Variants in IFT80 observed in about 807,000 individuals in gnomAD.
IFT80 encodes intraflagellar transport 80.
A neutral mutation model predicts 107.9 loss-of-function variants in IFT80; 79 were observed. The observed-to-expected ratio is 0.73, with a 90% CI of 0.61 to 0.88. The LOEUF (loss-of-function observed/expected upper bound fraction) is 0.88. Among genes scored for constraint, IFT80 ranks in the 40% least tolerant of loss-of-function variants. IFT80 has a pLI of 0.00. For missense variants in IFT80, 797 were observed against 914.2 expected (o/e 0.87, Z 1.65); for synonymous variants, 299 against 300.9 (o/e 0.99, Z 0.07).
chr3:160,271,053 A>C (rs1454727349), intron 18 of IFT80, among the ~76,000 whole-genome samples: 1 of 152,220 alleles, frequency 6.6e-6, no homozygotes, highest in African/African-American at 2.4e-5. Flanking sequence ...CTAGATCCTA[A>C]GAATTATCTA....
At chr3:160,368,746 A>G (rs1264449004) in intron 5 of IFT80, among the ~76,000 whole-genome samples, 2 of 151,882 alleles carry the variant, frequency 1.3e-5, no homozygotes, top group African/African-American at 4.8e-5. Context: ...TATATAAGCC[A>G]TCTTTATTTC....
At chr3:160,282,662 A>G (rs746717903) in intron 13 of IFT80, 49 bp from the exon 14 acceptor site, 1 of 1,091,740 alleles carries the variant, frequency 9.2e-7, no homozygotes, top group Non-Finnish European at 1.4e-6. Context: ...AGTGTTTGAC[A>G]TAAGATCATT....
intron 18 of IFT80, among the ~76,000 whole-genome samples, chr3:160,270,664 G>A (rs1713727296): frequency 6.6e-6 from 1 of 152,132 alleles, no homozygotes; most frequent in Admixed American, 6.5e-5. Flanking sequence ...AAGGCAAAAA[G>A]CAATTCACGG....
intron 12 of IFT80, among the ~76,000 whole-genome samples, chr3:160,297,540 G>C (rs1034169725): frequency 1.3e-5 from 2 of 151,894 alleles, no homozygotes; most frequent in African/African-American, 4.8e-5. Flanking sequence ...TAAATCATAG[G>C]ATTTTAAGTT....
intron 1 of IFT80, among the ~76,000 whole-genome samples, chr3:160,390,330 T>A (rs1219164235): frequency 1.3e-5 from 2 of 151,184 alleles, no homozygotes; most frequent in Non-Finnish European, 2.9e-5. Flanking sequence ...GGCAGGAGAA[T>A]CGCTTGAACC....
At chr3:160,363,977 G>A (rs1280767535) in intron 6 of IFT80, among the ~76,000 whole-genome samples, 2 of 152,128 alleles carry the variant, frequency 1.3e-5, no homozygotes, top group Non-Finnish European at 2.9e-5. Context: ...TACACCAAAA[G>A]CAATGGCAAC....
chr3:160,397,716 C>CTTTTTTTT lies in IFT80; in HGVS notation c.-47+1422_-47+1429dup, dbSNP rs545413654. 1.4e-4 allele frequency among the ~76,000 whole-genome samples: 14 copies of CTTTTTTTT among 96,596 alleles called. 1 individual carries two copies. The highest frequency in any genetic ancestry group is 2.5e-4 in the African/African-American group (6 of 23,970). The allele number at this position is 96,596 out of a possible 152,430, so 63.4% of individuals were successfully genotyped here. A position where few individuals can be genotyped will look rare whatever the true frequency, so the allele number is the denominator to read the frequency against. ...AATACACCACTCAATTTGGTCTATA[C>CTTTTTTTT]TTTTTTTTTTTTTTTTTTTTTTGAG... On this transcript the variant is annotated intron_variant, in intron 1 of 19. Transcript: ENST00000326448.
intron 8 of IFT80, among the ~76,000 whole-genome samples, chr3:160,334,428 C>CT (rs34377587): frequency 0.28 from 39,026 of 141,826 alleles, 5,615 homozygotes; most frequent in African/African-American, 0.34. Context: ...AATTGGCTCG[C>CT]TTTTTTTTTT....
chr3:160,258,859 G>T (rs1187817948), intron 19 of IFT80, among the ~76,000 whole-genome samples: 4 of 152,198 alleles, frequency 2.6e-5, no homozygotes, highest in African/African-American at 9.6e-5. Context: ...TAGTATGGAA[G>T]GCTGAGGTGG....
intron 9 of IFT80, among the ~76,000 whole-genome samples, chr3:160,313,034 A>AAATATAT (rs1159190878): frequency 2.2e-5 from 2 of 91,882 alleles, no homozygotes; most frequent in African/African-American, 8.6e-5. Flanking sequence ...TATTATATAT[A>AAATATAT]AATATATAAT....
chr3:160,355,520 G>A (rs764064002), intron 8 of IFT80, among the ~76,000 whole-genome samples: 5 of 151,922 alleles, frequency 3.3e-5, no homozygotes, highest in African/African-American at 4.8e-5. Flanking sequence ...GGAAGTGCTG[G>A]GATTACAGGC....
intron 9 of IFT80, among the ~76,000 whole-genome samples, chr3:160,314,241 A>G (rs1468976000): frequency 6.6e-6 from 1 of 152,178 alleles, no homozygotes; most frequent in Admixed American, 6.5e-5. Flanking sequence ...ATGACTATTA[A>G]AAGCCAAATT....
At chr3:160,314,867 A>G (rs550564221) in intron 9 of IFT80, among the ~76,000 whole-genome samples, 1 of 152,296 alleles carries the variant, frequency 6.6e-6, no homozygotes, top group East Asian at 1.9e-4. Flanking sequence ...GTGTAAAACC[A>G]AAGAAAATGA....
chr3:160,282,985 C>T (rs1714804851), intron 13 of IFT80, among the ~76,000 whole-genome samples: 1 of 152,050 alleles, frequency 6.6e-6, no homozygotes, highest in Admixed American at 6.6e-5. Context: ...AGTTGCCTAA[C>T]AACTATATCT....
At chr3:160,394,884 A>C (rs1330389695) in intron 1 of IFT80, among the ~76,000 whole-genome samples, 2 of 152,214 alleles carry the variant, frequency 1.3e-5, no homozygotes, top group East Asian at 3.8e-4. Flanking sequence ...TGAAAAGAAA[A>C]AGTGAGATAT....
intron 19 of IFT80, among the ~76,000 whole-genome samples, chr3:160,264,378 G>C (rs779224257): frequency 2.0e-4 from 31 of 151,532 alleles, no homozygotes; most frequent in Non-Finnish European, 4.0e-4. Context: ...CAAAGTGTTG[G>C]GATTACAGGA....
At chr3:160,358,422 T>G (rs1206061674) in intron 6 of IFT80, among the ~76,000 whole-genome samples, 1 of 152,248 alleles carries the variant, frequency 6.6e-6, no homozygotes, top group African/African-American at 2.4e-5. Flanking sequence ...TCTTCATGTG[T>G]CTGGTTTACA....
At chr3:160,295,870 C>T (rs1208053109) in intron 12 of IFT80, among the ~76,000 whole-genome samples, 1 of 152,144 alleles carries the variant, frequency 6.6e-6, no homozygotes, top group Non-Finnish European at 1.5e-5. Context: ...ACCTGACGGA[C>T]ATTATGCTAA....
At chr3:160,326,610 G>T (rs544888766) in intron 8 of IFT80, among the ~76,000 whole-genome samples, 1 of 152,146 alleles carries the variant, frequency 6.6e-6, no homozygotes, top group Non-Finnish European at 1.5e-5. Context: ...AAAGGCTTCC[G>T]ATAAAATTCA....
Sources: gnomAD v4.1 joint callset for allele counts (sites outside exome capture counted in the v4.1 genomes callset) on GRCh38, gnomAD v4.1.1 for gene constraint, MANE v1.5 for transcripts, NCBI Gene and HGNC (gene_info 2026-07-23, HGNC 2026-07-21) for gene names.